TENM3: variants seen among roughly 807,000 people sequenced by gnomAD.
The protein encoded by TENM3 is teneurin-3.
A neutral mutation model predicts 255.1 loss-of-function variants in TENM3; 63 were observed. That is an observed-to-expected ratio of 0.25 (90% CI 0.20 to 0.30). TENM3 has a LOEUF of 0.30. TENM3 is among the 10% of genes least tolerant of loss of function. The pLI is 1.00. For missense variants in TENM3, 2,929 were observed against 3,461.1 expected (o/e 0.85, Z 3.86); for synonymous variants, 1,306 against 1,322.3 (o/e 0.99, Z 0.27).
At chr4:182,275,674 C>T (rs1421888971) in intron 1 of TENM3, among the ~76,000 whole-genome samples, 1 of 152,126 alleles carries the variant, frequency 6.6e-6, no homozygotes, top group Non-Finnish European at 1.5e-5. Flanking sequence ...TGGTGGCTCA[C>T]ACCTGTGATT....
chr4:182,041,277 C>T, the TENM3 span, among the ~76,000 whole-genome samples: 1 of 152,056 alleles, frequency 6.6e-6, no homozygotes, highest in East Asian at 1.9e-4. Context: ...CTATAACATG[C>T]CATTGGGATC....
chr4:182,783,302 C>G (rs1383082720), intron 24 of TENM3, among the ~76,000 whole-genome samples: 1 of 151,550 alleles, frequency 6.6e-6, no homozygotes, highest in African/African-American at 2.4e-5. Context: ...TTTTATTTCT[C>G]CTTCGCTTAT....
chr4:181,867,403 C>G, the TENM3 span, among the ~76,000 whole-genome samples: 1 of 152,170 alleles, frequency 6.6e-6, no homozygotes, highest in Non-Finnish European at 1.5e-5. Context: ...TTAGGCCCCA[C>G]CTCCTCCAAA....
the TENM3 span, among the ~76,000 whole-genome samples, chr4:181,846,054 G>A: frequency 8.5e-5 from 13 of 152,218 alleles, no homozygotes; most frequent in South Asian, 2.7e-3. Context: ...TTTCTTCACT[G>A]TGCTGTTTAC....
At chr4:182,353,462 TC>T (rs1380839132) in intron 3 of TENM3, among the ~76,000 whole-genome samples, 2 of 152,184 alleles carry the variant, frequency 1.3e-5, no homozygotes, top group Non-Finnish European at 2.9e-5. Context: ...TCGGTGGGCT[TC>T]CTAAATCAGG....
chr4:182,102,506 A>G, the TENM3 span, among the ~76,000 whole-genome samples: 155 of 152,374 alleles, frequency 1.0e-3, 3 homozygotes, highest in South Asian at 9.1e-3. Flanking sequence ...AAGAATCAAA[A>G]TGCGCTTTTT....
the TENM3 span, among the ~76,000 whole-genome samples, chr4:181,459,653 A>G: frequency 6.6e-6 from 1 of 151,860 alleles, no homozygotes; most frequent in Non-Finnish European, 1.5e-5. Context: ...GATGGGTCCT[A>G]TTTGTAGACT....
chr4:182,629,796 A>G (rs1289605147), intron 5 of TENM3, among the ~76,000 whole-genome samples: 2 of 152,162 alleles, frequency 1.3e-5, no homozygotes, highest in African/African-American at 4.8e-5. Flanking sequence ...GTAGAATACT[A>G]TGATGTTTCT....
chr4:181,844,685 TAAAATAA>T, the TENM3 span, among the ~76,000 whole-genome samples: 64 of 151,302 alleles, frequency 4.2e-4, no homozygotes, highest in Non-Finnish European at 8.1e-4. Flanking sequence ...TAAAATAAAA[TAAAATAA>T]AATAAGTTGA....
the TENM3 span, among the ~76,000 whole-genome samples, chr4:181,981,915 G>C: frequency 6.6e-6 from 1 of 152,198 alleles, no homozygotes; most frequent in Non-Finnish European, 1.5e-5. Context: ...TCATTAGGTA[G>C]TGAAGTGGTG....
the TENM3 span, among the ~76,000 whole-genome samples, chr4:181,574,140 T>C: frequency 2.1e-3 from 313 of 152,360 alleles, no homozygotes; most frequent in African/African-American, 6.9e-3. Flanking sequence ...TTTATGTTTC[T>C]GTTCAGTTGA....
At chr4:181,826,344 A>C in the TENM3 span, among the ~76,000 whole-genome samples, 1 of 152,228 alleles carries the variant, frequency 6.6e-6, no homozygotes, top group African/African-American at 2.4e-5. Flanking sequence ...TATCAATGAT[A>C]AGTGTTAATT....
chr4:181,643,148 G>A, the TENM3 span, among the ~76,000 whole-genome samples: 15 of 152,104 alleles, frequency 9.9e-5, no homozygotes, highest in African/African-American at 3.6e-4. Flanking sequence ...TTTGAAATGT[G>A]GAATGTTTTT....
chr4:181,565,939 GTTAAT>G, the TENM3 span, among the ~76,000 whole-genome samples: 1 of 152,108 alleles, frequency 6.6e-6, no homozygotes, highest in African/African-American at 2.4e-5. Flanking sequence ...TGTTGAATTA[GTTAAT>G]TTAAAGTGAG....
At chr4:181,480,195 T>C in the TENM3 span, among the ~76,000 whole-genome samples, 3 of 152,112 alleles carry the variant, frequency 2.0e-5, no homozygotes, top group African/African-American at 7.2e-5. Flanking sequence ...TATTTTTTTC[T>C]CTTTTCTGCT....
chr4:182,219,893 A>G (rs560394358), intron 1 of TENM3, among the ~76,000 whole-genome samples: 2 of 152,308 alleles, frequency 1.3e-5, no homozygotes, highest in East Asian at 1.9e-4. Flanking sequence ...ATTCTTTTGC[A>G]TATTGTTTGG....
chr4:182,264,977 C>G (rs1380606112), intron 1 of TENM3, among the ~76,000 whole-genome samples: 5 of 135,884 alleles, frequency 3.7e-5, no homozygotes, highest in African/African-American at 1.1e-4. Context: ...TTTTTTTTGT[C>G]TTGTCACTCT....
At chr4:181,636,385 C>T in the TENM3 span, among the ~76,000 whole-genome samples, 1 of 152,138 alleles carries the variant, frequency 6.6e-6, no homozygotes, top group African/African-American at 2.4e-5. Flanking sequence ...AAGAAGCCCA[C>T]CCACATTAGA....
chr4:182,484,021 A>G (rs1018067804), intron 3 of TENM3, among the ~76,000 whole-genome samples: 5 of 152,146 alleles, frequency 3.3e-5, no homozygotes, highest in Non-Finnish European at 7.3e-5. Context: ...AACCCGAACC[A>G]CATCGGCCTG....
Sources: gnomAD v4.1 joint callset for allele counts (sites outside exome capture counted in the v4.1 genomes callset) on GRCh38, gnomAD v4.1.1 for gene constraint, MANE v1.5 for transcripts, NCBI Gene and HGNC (gene_info 2026-07-23, HGNC 2026-07-21) for gene names.